DGKZ: variants seen among roughly 807,000 people sequenced by gnomAD.
DGKZ encodes the protein diacylglycerol kinase zeta, also known as DAG kinase zeta.
In DGKZ, 45 loss-of-function variants were observed where a neutral mutation model predicts 142.5. The observed-to-expected ratio is 0.32, with a 90% confidence interval of 0.25 to 0.40. The LOEUF is 0.40. Ranked by LOEUF, DGKZ falls within the 10% of genes least tolerant of loss-of-function variation. DGKZ has a pLI of 1.00. For synonymous variants in DGKZ, 442 were observed against 527.0 expected (o/e 0.84, Z 2.21); for missense variants, 755 against 1,306.5 (o/e 0.58, Z 6.51).
chr11:46,338,107 G>A (rs1011965317), intron 1 of DGKZ, among the ~76,000 whole-genome samples: 1 of 152,232 alleles, frequency 6.6e-6, no homozygotes, highest in Middle Eastern at 3.2e-3. Context: ...CCAGGGTTCT[G>A]CTAAAACTTT....
intron 4 of DGKZ, chr11:46,369,169 C>T (rs935968463): frequency 2.5e-6 from 1 of 396,688 alleles, no homozygotes; most frequent in African/African-American, 2.2e-5. Flanking sequence ...GAGCGAGACT[C>T]TGTCTCAAAA....
At chr11:46,369,367 T>G in intron 4 of DGKZ, 127 bp from the exon 5 acceptor site, 1 of 1,080,874 alleles carries the variant, frequency 9.3e-7, no homozygotes, top group African/African-American at 1.5e-5. Flanking sequence ...TTTCAAGGAC[T>G]CTCGTGACGA....
Position 46,366,041 on chromosome 11 carries a change from C to T in DGKZ, c.162-1250C>T, listed in dbSNP as rs1293018497. On this transcript the variant is annotated intron_variant, in intron 1 of 30. Coordinates refer to ENST00000527911, the Ensembl canonical transcript of DGKZ. ...TAAACGTGGGCTCCCCTGAGCACCCCTGGGATCCTCACATGGAGGTCAGAG... is the reference window on the plus strand; with the variant it reads ...TAAACGTGGGCTCCCCTGAGCACCCTTGGGATCCTCACATGGAGGTCAGAG... The T allele has an allele frequency of 4.1e-6, 4 of 985,280 alleles. No homozygotes were observed. The African/African-American group carries it at 5.2e-5, about 13-fold the overall frequency. 61.0% of individuals were successfully genotyped at this position (985,280 alleles called of 1,614,324 possible). A position where few individuals can be genotyped will look rare whatever the true frequency, so the allele number is the denominator to read the frequency against.
chr11:46,376,570 C>T lies in DGKZ; in HGVS notation c.2202+6C>T, dbSNP rs777634419. On this transcript the variant is annotated splice_donor_region_variant and intron_variant, in intron 24 of 30. Transcript: ENST00000527911. The stretch of plus-strand genomic sequence containing the variant: ...ACAGGATCGACCGAGCCCAGGTGAG[C>T]GATTGCAGGCCTGCTCCAGCCACAG... 4.4e-5 allele frequency: 71 copies of T among 1,613,196 alleles called. No homozygotes were observed. Among genetic ancestry groups the T allele is most frequent in the East Asian group, 6.7e-5 (3 of 44,904 alleles).
At chr11:46,364,283 A>T in intron 1 of DGKZ, 1 of 1,041,388 alleles carries the variant, frequency 9.6e-7, no homozygotes, top group African/African-American at 1.6e-5. Flanking sequence ...ATGCAGTGTG[A>T]TGCAGTACCT....
In DGKZ at chr11:46,372,534, G is replaced by C. The variant is rs946741798; in HGVS notation, c.1010+24G>C. On this transcript the variant is annotated intron_variant, in intron 11 of 30. Transcript: ENST00000527911. This position sits in a 1 kb window ranked among gnomAD's most constrained non-coding sequence, Gnocchi z 5.9. ...GCGTAAGTACTTGCCAAGGTTTTGTGGGGGACATGGGGGGGAACTTGCCTC... is the reference window on the plus strand; with the variant it reads ...GCGTAAGTACTTGCCAAGGTTTTGTCGGGGACATGGGGGGGAACTTGCCTC... The C allele has an allele frequency of 1.2e-6, 2 of 1,613,814 alleles. No individual in the cohort carries two copies. The highest frequency in any genetic ancestry group is 3.3e-5 in the Admixed American group (2 of 59,994).
intron 1 of DGKZ, among the ~76,000 whole-genome samples, chr11:46,359,443 C>G (rs1024226475): frequency 6.6e-6 from 1 of 152,058 alleles, no homozygotes; most frequent in Non-Finnish European, 1.5e-5. Flanking sequence ...CAGACTCCAT[C>G]TCAAAAATAA....
At position 46,372,903 on chromosome 11, in the gene DGKZ, G is replaced by A. The variant is rs777950924; in HGVS notation, c.1185+19G>A. The A allele has an allele frequency of 2.3e-5, 36 of 1,564,742 alleles. No individual in the cohort carries two copies. The South Asian group carries it at 4.2e-4, about 18-fold the overall frequency. On this transcript the variant is annotated intron_variant, in intron 13 of 30. Coordinates refer to ENST00000527911, the Ensembl canonical transcript of DGKZ. This position sits in a 1 kb window ranked among gnomAD's most constrained non-coding sequence, Gnocchi z 5.9. The stretch of plus-strand genomic sequence containing the variant: ...GGGTGGGGTAAGCACCCATAGGAGG[G>A]GGGTGCAGCTGGGGCCTCTCCAGCC...
At chr11:46,371,953 T>C (rs747993670) in intron 9 of DGKZ, 122 bp from the exon 10 acceptor site, 17 of 1,241,584 alleles carry the variant, frequency 1.4e-5, no homozygotes, top group Non-Finnish European at 2.0e-5. Flanking sequence ...TGGTAAGATC[T>C]GGCCCAGAGA....
At chr11:46,371,813 G>A in intron 9 of DGKZ, 38 bp downstream of exon 9, 1 of 1,597,112 alleles carries the variant, frequency 6.3e-7, no homozygotes, top group South Asian at 1.1e-5. Flanking sequence ...AGGGGAGCAG[G>A]AGAGAGGGGT....
At chr11:46,337,830 C>T (rs1375927827) in intron 1 of DGKZ, among the ~76,000 whole-genome samples, 1 of 152,060 alleles carries the variant, frequency 6.6e-6, no homozygotes, top group Non-Finnish European at 1.5e-5. Context: ...AGATGACTCA[C>T]TGGGATGTGG....
chr11:46,378,247 G>T lies in DGKZ; in HGVS notation c.2374+18G>T, dbSNP rs979606027. ...CCCTCAAGGTGAGGCCTCTCCCTCT[G>T]GGGCCCCTCCTTTCTGCCTGGTTGG... On this transcript the variant is annotated intron_variant, in intron 26 of 30. Coordinates refer to ENST00000527911, the Ensembl canonical transcript of DGKZ. 6.2e-7 allele frequency: 1 copy of T among 1,600,422 alleles called. No homozygotes were observed.
In DGKZ at chr11:46,350,965, TGAGGAG is replaced by T. The variant is rs543823481; in HGVS notation, c.161+3158_161+3163del. Among the ~76,000 whole-genome samples, 75 of 151,122 alleles carry T rather than the reference TGAGGAG, an allele frequency of 5.0e-4. 1 individual carries two copies. Among genetic ancestry groups the T allele is most frequent in the Non-Finnish European group, 1.0e-3 (69 of 67,740 alleles). On this transcript the variant is annotated intron_variant, in intron 1 of 30. Transcript: ENST00000527911. ...TTGCCGGAACTATCAGTCTCCTCCC[TGAGGAG>T]GAGGAGGAGGAGAGGAGGTACAGGC...
At chr11:46,378,403 C>G in intron 26 of DGKZ, 54 bp from the exon 27 acceptor site, 1 of 1,559,530 alleles carries the variant, frequency 6.4e-7, no homozygotes. Flanking sequence ...CACTGAGGCA[C>G]CAACCCAAGC....
chr11:46,367,065 T>C lies in DGKZ; in HGVS notation c.162-226T>C. 1 of 1,445,942 alleles carries C rather than the reference T, an allele frequency of 6.9e-7. No homozygotes were observed. 89.6% of individuals were successfully genotyped at this position (1,445,942 alleles called of 1,614,324 possible). A position where few individuals can be genotyped will look rare whatever the true frequency, so the allele number is the denominator to read the frequency against. On this transcript the variant is annotated intron_variant, in intron 1 of 30. Coordinates refer to ENST00000527911, the Ensembl canonical transcript of DGKZ. The surrounding 1 kb of genome is among the most constrained non-coding windows in gnomAD (Gnocchi z 4.1). ...TGGGCATGGGCCTTGAAGCTCTGCCTGGCTGAGGGTTCCCCACTTGGGAAC... is the reference window on the plus strand; with the variant it reads ...TGGGCATGGGCCTTGAAGCTCTGCCCGGCTGAGGGTTCCCCACTTGGGAAC...
intron 24 of DGKZ, 179 bp downstream of exon 24, chr11:46,376,743 G>A: frequency 1.2e-6 from 1 of 859,932 alleles, no homozygotes; most frequent in Non-Finnish European, 1.8e-6. Flanking sequence ...ACACTGGAGA[G>A]TATAGGGCGG....
At chr11:46,369,447 C>T in intron 4 of DGKZ, 47 bp from the exon 5 acceptor site, 2 of 1,612,552 alleles carry the variant, frequency 1.2e-6, no homozygotes, top group Non-Finnish European at 8.5e-7. Flanking sequence ...ATACCTGACC[C>T]CGAAGGGAGG....
intron 1 of DGKZ, among the ~76,000 whole-genome samples, chr11:46,339,502 G>A (rs1271469958): frequency 6.6e-6 from 1 of 152,194 alleles, no homozygotes; most frequent in Non-Finnish European, 1.5e-5. Context: ...TGATCAGTGA[G>A]TCAAAGGCCA....
At position 46,379,633 on chromosome 11, in the gene DGKZ, G is replaced by A. The variant is rs1944992808; in HGVS notation, c.2688+65G>A. On this transcript the variant is annotated intron_variant, in intron 30 of 30. Coordinates refer to ENST00000527911, the Ensembl canonical transcript of DGKZ. ...CCAAACCTTTCCCAAGGTCCTAGGC[G>A]GGAGCTGGGGCTGGGGGCTGTCCCT... is the stretch of plus-strand genomic sequence containing the variant. The A allele has an allele frequency of 7.0e-6, 10 of 1,436,584 alleles. 1 individual carries two copies. Among genetic ancestry groups the A allele is most frequent in the Admixed American group, 4.4e-5 (2 of 45,802 alleles). The allele number at this position is 1,436,584 out of a possible 1,614,324, so 89.0% of individuals were successfully genotyped here.
Sources: allele counts gnomAD v4.1 joint callset (sites outside exome capture counted in the v4.1 genomes callset), GRCh38; gene constraint gnomAD v4.1.1; non-coding constraint Gnocchi (gnomAD v3.1); transcripts MANE v1.5; gene names NCBI Gene and HGNC (gene_info 2026-07-23, HGNC 2026-07-21).